The following CREBZF variants were observed in gnomAD, a reference collection of about 807,000 sequenced individuals.
CREBZF encodes the protein CREB/ATF bZIP transcription factor.
CREBZF carries 8 observed loss-of-function variants against 21.1 expected under a neutral mutation model. The ratio of observed to expected loss-of-function variants is 0.38; its 90% CI spans 0.22 to 0.68. The LOEUF (loss-of-function observed/expected upper bound fraction) is 0.68, where lower values mean the gene tolerates loss of function less well. CREBZF is among the 30% of genes least tolerant of loss of function. The pLI is 0.51. For synonymous variants in CREBZF, 270 were observed against 223.3 expected, an observed-to-expected ratio of 1.21 and a Z score of -1.86; for missense variants, 518 against 484.3, an observed-to-expected ratio of 1.07 and a Z score of -0.65.
chr11:85,682,594 C>A, intron 1 of CREBZF: 2 of 477,162 alleles, frequency 4.2e-6, no homozygotes, highest in Non-Finnish European at 7.3e-6. Context: ...GCGCCCCTAC[C>A]CCCTGCCCTA....
In CREBZF at chr11:85,660,430, G is replaced by T. The variant is rs2153318005; in HGVS notation, c.*3381C>A. The stretch of plus-strand genomic sequence containing the variant: ...GAATCTTTTCATATCTCCATTTCTG[G>T]AAAGTGAAATCAGTATAGAAGTAAT... On this transcript the variant is annotated 3_prime_UTR_variant, in exon 1 of 1. Coordinates refer to ENST00000527447, the MANE Select transcript of CREBZF (RefSeq NM_001039618.4). 3.3e-6 allele frequency: 1 copy of T among 300,536 alleles called. No homozygotes were observed. 18.6% of individuals were successfully genotyped at this position (300,536 alleles called of 1,614,324 possible). A position where few individuals can be genotyped will look rare whatever the true frequency, so the allele number is the denominator to read the frequency against.
Position 85,664,679 on chromosome 11 carries a change from C to T in CREBZF, c.197G>A (p.Gly66Glu), listed in dbSNP as rs2082807731. The T allele has an allele frequency of 1.2e-6, 2 of 1,603,532 alleles. No homozygotes were observed. The highest frequency in any genetic ancestry group is 1.1e-5 in the South Asian group (1 of 90,216). ...QFGDEGELEAGRGSRGGVAVR... is the reference protein window; with the variant it reads ...QFGDEGELEAERGSRGGVAVR... Reference sequence around the variant, plus strand: ...GGCCACGCCGCCGCGGCTCCCCCTCCCGGCTTCCAACTCTCCTTCGTCGCC... The same window carrying T: ...GGCCACGCCGCCGCGGCTCCCCCTCTCGGCTTCCAACTCTCCTTCGTCGCC... The change falls in exon 1 of 1, where the codon GGG becomes GAG. Residue 66 changes from glycine (G) to glutamate (E), a missense_variant. This residue lies in a region of CREBZF where 396 missense variants were observed against 324.4 expected (regional missense o/e 1.22). Coordinates refer to ENST00000527447, the MANE Select transcript of CREBZF (RefSeq NM_001039618.4). The surrounding 1 kb of genome is among the most constrained non-coding windows in gnomAD (Gnocchi z 5.5).
chr11:85,670,524 G>A (rs978183202), intron 1 of CREBZF, among the ~76,000 whole-genome samples: 6 of 151,850 alleles, frequency 4.0e-5, no homozygotes, highest in East Asian at 1.9e-4. Flanking sequence ...GGATGGTCTC[G>A]ATCTCCTGAC....
intron 1 of CREBZF, among the ~76,000 whole-genome samples, chr11:85,675,648 T>C (rs1047049219): frequency 1.3e-5 from 2 of 151,014 alleles, no homozygotes; most frequent in Non-Finnish European, 3.0e-5. Context: ...GTTGGAAAAA[T>C]GGTGCTGATA....
In CREBZF at chr11:85,662,305, A is replaced by G; in HGVS notation, c.*1506T>C. On this transcript the variant is annotated 3_prime_UTR_variant, in exon 1 of 1. Transcript: ENST00000527447. ...AACTTACATCTTTGGACTGCTGGAA[A>G]ATACTTTTTAATTATGAACATGTTA... is the stretch of plus-strand genomic sequence containing the variant. 1.5e-6 allele frequency: 1 copy of G among 666,092 alleles called. No individual in the cohort carries two copies. Among genetic ancestry groups the G allele is most frequent in the South Asian group, 1.6e-5 (1 of 61,080 alleles). The allele number at this position is 666,092 out of a possible 1,614,324, so 41.3% of individuals were successfully genotyped here. A position where few individuals can be genotyped will look rare whatever the true frequency, so the allele number is the denominator to read the frequency against.
rs2082740567 is a variant in CREBZF at position 85,663,333 on chromosome 11, G to A, written c.*478C>T. The A allele has an allele frequency of 1.3e-5, 8 of 605,270 alleles. No homozygotes were observed. The highest frequency in any genetic ancestry group is 2.8e-5 in the East Asian group (1 of 36,308). The allele number at this position is 605,270 out of a possible 1,614,324, so 37.5% of individuals were successfully genotyped here. ...ACATTAATAGCTATTTCAACCAGAA[G>A]AGGCATCTTAAATACATTCTTGACC... is the stretch of plus-strand genomic sequence containing the variant. On this transcript the variant is annotated 3_prime_UTR_variant, in exon 1 of 1. Coordinates refer to ENST00000527447, the MANE Select transcript of CREBZF (RefSeq NM_001039618.4).
At position 85,662,649 on chromosome 11, in the gene CREBZF, G is replaced by C. The variant is rs145747162; in HGVS notation, c.*1162C>G. On this transcript the variant is annotated 3_prime_UTR_variant, in exon 1 of 1. Transcript: ENST00000527447. ...ACCAATCGTGTCATTTAAGTGGCCAGAACCACTCAATTTAAAAAATTATTT... is the reference window on the plus strand; with the variant it reads ...ACCAATCGTGTCATTTAAGTGGCCACAACCACTCAATTTAAAAAATTATTT... 2.8e-5 allele frequency: 12 copies of C among 426,788 alleles called. No individual in the cohort carries two copies. Among genetic ancestry groups the C allele is most frequent in the African/African-American group, 2.4e-4 (12 of 50,480 alleles). 26.4% of individuals were successfully genotyped at this position (426,788 alleles called of 1,614,324 possible).
chr11:85,668,403 T>C (rs549059429), upstream of CREBZF, among the ~76,000 whole-genome samples: 2 of 152,344 alleles, frequency 1.3e-5, no homozygotes, highest in Non-Finnish European at 2.9e-5. Flanking sequence ...TAAATGGTTA[T>C]TGTTACTATG....
chr11:85,678,743 C>T (rs1170902396), intron 1 of CREBZF, among the ~76,000 whole-genome samples: 1 of 152,214 alleles, frequency 6.6e-6, no homozygotes, highest in African/African-American at 2.4e-5. Flanking sequence ...TATATCTCTT[C>T]CTTACTGAAG....
rs1565805648 is a variant in CREBZF, at chr11:85,660,820, ACTC to A, written c.*2988_*2990del. The A allele has an allele frequency of 2.2e-5, 5 of 230,136 alleles. No homozygotes were observed. The highest frequency in any genetic ancestry group is 8.7e-6 in the Non-Finnish European group (1 of 114,452). 14.3% of individuals were successfully genotyped at this position (230,136 alleles called of 1,614,324 possible). On this transcript the variant is annotated 3_prime_UTR_variant, in exon 1 of 1. Coordinates refer to ENST00000527447, the MANE Select transcript of CREBZF (RefSeq NM_001039618.4). ...ATGTGTTAGTTCAATTAATGTATGA[ACTC>A]CTGCCACCATCAAAAGACAAATATT...
chr11:85,665,409 G>A (rs1486584694), upstream of CREBZF, among the ~76,000 whole-genome samples: 1 of 151,198 alleles, frequency 6.6e-6, no homozygotes, highest in Non-Finnish European at 1.5e-5. Context: ...AGTTGCAGAT[G>A]AGACACCACA....
At position 85,664,742 on chromosome 11, in the gene CREBZF, G is replaced by A; in HGVS notation, c.134C>T (p.Thr45Met). 2 of 1,608,102 alleles carry A rather than the reference G, an allele frequency of 1.2e-6. No homozygotes were observed. The highest frequency in any genetic ancestry group is 1.7e-6 in the Non-Finnish European group (2 of 1,178,398). Residue 45 changes from threonine to methionine, a missense_variant, in exon 1 of 1, where the codon ACG becomes ATG. This residue lies in a region of CREBZF where 396 missense variants were observed against 324.4 expected (regional missense o/e 1.22). Coordinates refer to ENST00000527447, the MANE Select transcript of CREBZF (RefSeq NM_001039618.4). The surrounding 1 kb of genome is among the most constrained non-coding windows in gnomAD (Gnocchi z 5.5). ...LTRAAAGEEE[T>M]AAAGSPGRKQ... ...GCGGCCGGGAGATCCGGCCGCCGCC[G>A]TCTCCTCCTCCCCCGCTGCAGCCCG...
upstream of CREBZF, among the ~76,000 whole-genome samples, chr11:85,668,116 C>CA (rs1292074282): frequency 6.6e-6 from 1 of 152,156 alleles, no homozygotes; most frequent in East Asian, 1.9e-4. Context: ...ATTCCAGAAG[C>CA]AAAATCACTC....
rs543982572 is a variant in CREBZF, at chr11:85,665,086, G to T, written c.-211C>A. ...GGAGAACGAAGCGGTGAGGCCCTGC[G>T]ATGACTCGACCGCGCCACCCAGACA... On this transcript the variant is annotated 5_prime_UTR_variant, in exon 1 of 1. Coordinates refer to ENST00000527447, the MANE Select transcript of CREBZF (RefSeq NM_001039618.4). 1.1e-4 allele frequency: 47 copies of T among 427,116 alleles called. No homozygotes were observed. The East Asian group carries it at 1.2e-3, about 11-fold the overall frequency. The allele number at this position is 427,116 out of a possible 1,614,324, so 26.5% of individuals were successfully genotyped here.
At chr11:85,680,887 G>T (rs2082972422) in intron 1 of CREBZF, among the ~76,000 whole-genome samples, 3 of 152,292 alleles carry the variant, frequency 2.0e-5, no homozygotes, top group African/African-American at 4.8e-5. Context: ...CACTATTGAT[G>T]GTCCATCCAA....
At chr11:85,665,661 A>T (rs2082850445), upstream of CREBZF, among the ~76,000 whole-genome samples, 1 of 151,738 alleles carries the variant, frequency 6.6e-6, no homozygotes, top group African/African-American at 2.4e-5. Context: ...TTTGTCAATT[A>T]AAAAAAATTA....
intron 1 of CREBZF, among the ~76,000 whole-genome samples, chr11:85,676,937 C>G (rs79514039): frequency 6.8e-6 from 1 of 146,224 alleles, no homozygotes; most frequent in South Asian, 2.2e-4. Flanking sequence ...AGCCACTATG[C>G]CTGCCTGTAA....
chr11:85,664,920 G>A lies in CREBZF; in HGVS notation c.-45C>T. 1 of 1,337,972 alleles carries A rather than the reference G, an allele frequency of 7.5e-7. No homozygotes were observed. The highest frequency in any genetic ancestry group is 2.7e-5 in the East Asian group (1 of 36,514). The allele number at this position is 1,337,972 out of a possible 1,614,324, so 82.9% of individuals were successfully genotyped here. A position where few individuals can be genotyped will look rare whatever the true frequency, so the allele number is the denominator to read the frequency against. On this transcript the variant is annotated 5_prime_UTR_variant, in exon 1 of 1. Coordinates refer to ENST00000527447, the MANE Select transcript of CREBZF (RefSeq NM_001039618.4). This position sits in a 1 kb window ranked among gnomAD's most constrained non-coding sequence, Gnocchi z 5.5. ...CGGTAGGCCCCGGCCGCTAAGAGTG[G>A]GCCTCACGGGCCCCAAGGATCCCAG...
chr11:85,682,459 T>G lies in CREBZF; in HGVS notation n.147+258A>C, dbSNP rs377576169. ...ATAAAATGGCCCATATCTGACGACT[T>G]AGGATCTCCAAAACGGCAAATAAGG... On this transcript the variant is annotated intron_variant and non_coding_transcript_variant, in intron 1 of 3. Transcript: ENST00000531515. Among the ~76,000 whole-genome samples, 13 of 152,206 alleles carry G rather than the reference T, an allele frequency of 8.5e-5. No individual in the cohort carries two copies. In the East Asian group the frequency reaches 2.5e-3, roughly 29 times the overall value.
Sources: allele counts gnomAD v4.1 joint callset (sites outside exome capture counted in the v4.1 genomes callset), GRCh38; gene constraint gnomAD v4.1.1; regional missense constraint gnomAD v4.1.1; non-coding constraint Gnocchi (gnomAD v3.1); transcripts MANE v1.5; gene names NCBI Gene and HGNC (gene_info 2026-07-23, HGNC 2026-07-21).